The following ENTREP2 variants were observed in gnomAD, a reference collection of about 807,000 sequenced individuals.
ENTREP2 encodes the protein protein ENTREP2.
At chr15:29,470,273 G>A in the ENTREP2 span, among the ~76,000 whole-genome samples, 2 of 152,312 alleles carry the variant, frequency 1.3e-5, no homozygotes, top group South Asian at 2.1e-4. Flanking sequence ...TTGAGCATCC[G>A]GAGGGTCCTG....
At chr15:29,626,922 TG>T in the ENTREP2 span, among the ~76,000 whole-genome samples, 1 of 152,218 alleles carries the variant, frequency 6.6e-6, no homozygotes, top group Non-Finnish European at 1.5e-5. Flanking sequence ...CTGTCTTTAT[TG>T]TTGCCAGTCT....
At chr15:29,520,868 T>C in the ENTREP2 span, among the ~76,000 whole-genome samples, 1 of 152,144 alleles carries the variant, frequency 6.6e-6, no homozygotes, top group Non-Finnish European at 1.5e-5. Context: ...AAAAGATAAG[T>C]AACTCCTGTA....
chr15:29,374,179 A>T, the ENTREP2 span: 3 of 152,190 alleles, frequency 2.0e-5, no homozygotes, highest in Non-Finnish European at 4.4e-5. Flanking sequence ...TCACAGAAAA[A>T]ATATGTACAA....
the ENTREP2 span, among the ~76,000 whole-genome samples, chr15:29,135,158 A>G: frequency 0.015 from 2,051 of 139,852 alleles, 50 homozygotes; most frequent in African/African-American, 0.062. This position sits in a 1 kb window ranked among gnomAD's most constrained non-coding sequence, Gnocchi z 7.4. Flanking sequence ...TCCCCTGCCC[A>G]CGCCCTCTGC....
chr15:29,339,159 T>C, the ENTREP2 span, among the ~76,000 whole-genome samples: 1 of 152,226 alleles, frequency 6.6e-6, no homozygotes, highest in Non-Finnish European at 1.5e-5. Context: ...CTAGTGGAGT[T>C]GGCACGAGAT....
At chr15:29,200,985 G>GTA in the ENTREP2 span, among the ~76,000 whole-genome samples, 1 of 152,150 alleles carries the variant, frequency 6.6e-6, no homozygotes, top group East Asian at 1.9e-4. Flanking sequence ...TTACACTTAT[G>GTA]TATCTTTTTA....
chr15:29,127,267 T>C, the ENTREP2 span, among the ~76,000 whole-genome samples: 1 of 152,100 alleles, frequency 6.6e-6, no homozygotes, highest in Non-Finnish European at 1.5e-5. Context: ...GACAGTGTGA[T>C]AAGCTGCTCC....
the ENTREP2 span, among the ~76,000 whole-genome samples, chr15:29,586,943 A>G: frequency 2.0e-5 from 3 of 152,182 alleles, no homozygotes; most frequent in Admixed American, 6.5e-5. Context: ...GATACTTAGC[A>G]TAATACAAGA....
the ENTREP2 span, among the ~76,000 whole-genome samples, chr15:29,168,039 G>A: frequency 6.6e-6 from 1 of 152,164 alleles, no homozygotes; most frequent in Non-Finnish European, 1.5e-5. Context: ...GGATAAGATT[G>A]GAGACTCTTA....
At chr15:29,503,173 G>C in the ENTREP2 span, among the ~76,000 whole-genome samples, 1 of 152,092 alleles carries the variant, frequency 6.6e-6, no homozygotes, top group Non-Finnish European at 1.5e-5. Flanking sequence ...AATCATAATA[G>C]TCTAAAAGTG....
chr15:29,277,949 G>GA, the ENTREP2 span, among the ~76,000 whole-genome samples: 2 of 151,746 alleles, frequency 1.3e-5, no homozygotes, highest in Non-Finnish European at 2.9e-5. Context: ...CGTTGAAATG[G>GA]AAAAAAAATA....
the ENTREP2 span, among the ~76,000 whole-genome samples, chr15:29,418,014 G>C: frequency 6.6e-6 from 1 of 152,132 alleles, no homozygotes; most frequent in Non-Finnish European, 1.5e-5. Context: ...AAGCCATTTA[G>C]AACATTTTAG....
the ENTREP2 span, among the ~76,000 whole-genome samples, chr15:29,457,857 A>C: frequency 4.6e-5 from 7 of 152,288 alleles, no homozygotes; most frequent in African/African-American, 1.7e-4. Flanking sequence ...AGAACACTGC[A>C]GGCCAGTGGG....
chr15:29,127,682 G>C, the ENTREP2 span, among the ~76,000 whole-genome samples: 10 of 152,168 alleles, frequency 6.6e-5, no homozygotes, highest in African/African-American at 2.2e-4. Context: ...CAGCTGTAGA[G>C]TTCACCGCCC....
chr15:29,176,496 G>A, the ENTREP2 span, among the ~76,000 whole-genome samples: 2 of 152,308 alleles, frequency 1.3e-5, no homozygotes, highest in South Asian at 2.1e-4. Context: ...AGAGAAGAGG[G>A]TGGAAGAGCA....
At chr15:29,645,439 C>T in the ENTREP2 span, among the ~76,000 whole-genome samples, 5 of 152,156 alleles carry the variant, frequency 3.3e-5, no homozygotes, top group East Asian at 1.9e-4. Context: ...TCAGAAAGCA[C>T]GAATGTTGAA....
At chr15:29,294,006 C>A in the ENTREP2 span, among the ~76,000 whole-genome samples, 1 of 152,192 alleles carries the variant, frequency 6.6e-6, no homozygotes, top group South Asian at 2.1e-4. Context: ...GCAGCCTAAC[C>A]TCCACCCCCC....
the ENTREP2 span, among the ~76,000 whole-genome samples, chr15:29,125,060 C>G: frequency 1.3e-5 from 2 of 152,148 alleles, no homozygotes; most frequent in African/African-American, 4.8e-5. Flanking sequence ...TCCAGGCACC[C>G]TGGAAGGCAT....
chr15:29,346,904 T>C, the ENTREP2 span, among the ~76,000 whole-genome samples: 1 of 152,200 alleles, frequency 6.6e-6, no homozygotes, highest in South Asian at 2.1e-4. Context: ...TCTGATCAAA[T>C]CTAGTCCTCC....
Sources: allele counts gnomAD v4.1 joint callset (sites outside exome capture counted in the v4.1 genomes callset), GRCh38; gene constraint gnomAD v4.1.1; non-coding constraint Gnocchi (gnomAD v3.1); transcripts MANE v1.5; gene names NCBI Gene and HGNC (gene_info 2026-07-23, HGNC 2026-07-21).